CTNNA3: variants seen among roughly 807,000 people sequenced by gnomAD.
CTNNA3 encodes the protein catenin alpha 3, also known as catenin alpha-3.
In CTNNA3, 76 loss-of-function variants were observed where a neutral mutation model predicts 95.7. The ratio of observed to expected loss-of-function variants is 0.79; its 90% CI spans 0.66 to 0.96. The LOEUF (loss-of-function observed/expected upper bound fraction) is 0.96, where lower values mean the gene tolerates loss of function less well. Ranked by LOEUF, CTNNA3 falls within the 40% of genes least tolerant of loss-of-function variation. CTNNA3 has a pLI of 0.00. For synonymous variants in CTNNA3, 431 were observed against 374.4 expected (o/e 1.15, Z -1.74); for missense variants, 1,191 against 1,089.8 (o/e 1.09, Z -1.31).
chr10:66,541,084 T>C (rs892940107), intron 10 of CTNNA3, among the ~76,000 whole-genome samples: 4 of 152,256 alleles, frequency 2.6e-5, no homozygotes, highest in Admixed American at 2.0e-4. Flanking sequence ...TAATCAACTA[T>C]TTTAGCCCAT....
intron 13 of CTNNA3, among the ~76,000 whole-genome samples, chr10:66,128,476 A>T (rs564842240): frequency 1.2e-3 from 183 of 152,296 alleles, no homozygotes; most frequent in African/African-American, 4.3e-3. Flanking sequence ...GCATGAAAAA[A>T]AAGCTGCCAA....
rs372928933 is a variant in CTNNA3 at position 66,378,083 on chromosome 10, CA to C, written c.1732+1068del. Among the ~76,000 whole-genome samples the C allele has an allele frequency of 1.3e-3, 193 of 152,236 alleles. 1 individual carries two copies. In the South Asian group the frequency reaches 0.013, roughly 11 times the overall value. ...AGCAAAACTGATCATCAATTCCCTG[CA>C]AACCTTGCTAAGCTTGCCTTGCAGC... On this transcript the variant is annotated intron_variant, in intron 12 of 17. Transcript: ENST00000433211.
intron 12 of CTNNA3, among the ~76,000 whole-genome samples, chr10:66,296,237 G>A (rs7911811): frequency 0.051 from 7,791 of 152,162 alleles, 392 homozygotes; most frequent in African/African-American, 0.12. Context: ...GCAAGTAGAT[G>A]AAATTGCCCT....
intron 7 of CTNNA3, among the ~76,000 whole-genome samples, chr10:66,980,378 A>T (rs1850348783): frequency 6.6e-6 from 1 of 152,292 alleles, no homozygotes; most frequent in East Asian, 1.9e-4. Flanking sequence ...AGCAAACTAT[A>T]TAGGGAAGCC....
intron 7 of CTNNA3, among the ~76,000 whole-genome samples, chr10:66,961,322 C>G (rs188056704): frequency 1.7e-4 from 26 of 152,236 alleles, no homozygotes; most frequent in African/African-American, 6.3e-4. Flanking sequence ...CCCCTTAAGG[C>G]CATCAATAAA....
chr10:66,799,787 T>C (rs986336673), intron 7 of CTNNA3, among the ~76,000 whole-genome samples: 2 of 151,242 alleles, frequency 1.3e-5, no homozygotes, highest in African/African-American at 2.4e-5. Flanking sequence ...CTAGGATAAA[T>C]TCAAAGGAAA....
chr10:67,691,549 G>A (rs1388766883), intron 1 of CTNNA3, among the ~76,000 whole-genome samples: 7 of 149,458 alleles, frequency 4.7e-5, no homozygotes, highest in South Asian at 2.2e-4. Context: ...CTGCCGCCCC[G>A]TCCGGGATGT....
chr10:66,557,441 A>G (rs1319745344), intron 10 of CTNNA3, among the ~76,000 whole-genome samples: 1 of 152,162 alleles, frequency 6.6e-6, no homozygotes, highest in Non-Finnish European at 1.5e-5. Flanking sequence ...TAACACAAAA[A>G]TTGGTATATA....
chr10:66,509,068 T>C (rs1424789364), intron 11 of CTNNA3, among the ~76,000 whole-genome samples: 2 of 152,144 alleles, frequency 1.3e-5, no homozygotes, highest in Non-Finnish European at 2.9e-5. Flanking sequence ...TTTGTCTTTT[T>C]GATAATAGGA....
At chr10:67,436,125 C>T (rs890652140) in intron 5 of CTNNA3, among the ~76,000 whole-genome samples, 3 of 151,968 alleles carry the variant, frequency 2.0e-5, no homozygotes, top group Non-Finnish European at 2.9e-5. Flanking sequence ...TAAAAATAGA[C>T]ACATAGACTA....
intron 7 of CTNNA3, among the ~76,000 whole-genome samples, chr10:66,921,033 A>T (rs763345799): frequency 1.3e-5 from 2 of 152,162 alleles, no homozygotes; most frequent in African/African-American, 2.4e-5. Flanking sequence ...AAACAAAAAT[A>T]CTATATCCTG....
chr10:66,077,230 G>A (rs1016141741), intron 14 of CTNNA3, among the ~76,000 whole-genome samples: 1 of 151,574 alleles, frequency 6.6e-6, no homozygotes, highest in Non-Finnish European at 1.5e-5. Flanking sequence ...CTGGAACTAT[G>A]GTTAAACTGT....
chr10:66,989,085 T>C (rs894177347), intron 7 of CTNNA3, among the ~76,000 whole-genome samples: 3 of 152,180 alleles, frequency 2.0e-5, no homozygotes, highest in Admixed American at 6.6e-5. Context: ...ATTTCCTGTA[T>C]TTCCTGGAAA....
chr10:66,130,546 T>C (rs116930250), intron 13 of CTNNA3, among the ~76,000 whole-genome samples: 3 of 151,534 alleles, frequency 2.0e-5, no homozygotes, highest in East Asian at 1.9e-4. Context: ...ACTGACTCCA[T>C]AGAAATACAA....
At chr10:66,547,462 C>A (rs1158856148) in intron 10 of CTNNA3, among the ~76,000 whole-genome samples, 1 of 150,056 alleles carries the variant, frequency 6.7e-6, no homozygotes, top group Non-Finnish European at 1.5e-5. Flanking sequence ...CCTGCCTCAG[C>A]CTCCCAAGTA....
intron 11 of CTNNA3, among the ~76,000 whole-genome samples, chr10:66,381,512 C>T (rs948221313): frequency 2.0e-5 from 3 of 151,964 alleles, no homozygotes; most frequent in Non-Finnish European, 4.4e-5. Flanking sequence ...CTAAGTAGTA[C>T]TTGTTATAAT....
intron 10 of CTNNA3, among the ~76,000 whole-genome samples, chr10:66,569,500 A>G (rs1842805747): frequency 6.6e-6 from 1 of 152,182 alleles, no homozygotes; most frequent in Non-Finnish European, 1.5e-5. Flanking sequence ...CAGTACTATG[A>G]CTCATTAGCT....
At chr10:65,988,180 T>G (rs1272144812) in intron 16 of CTNNA3, among the ~76,000 whole-genome samples, 7 of 152,074 alleles carry the variant, frequency 4.6e-5, no homozygotes, top group Non-Finnish European at 7.4e-5. Flanking sequence ...GAGAAGATTT[T>G]GAATGTGTTC....
chr10:66,836,844 A>C (rs1842902431), intron 7 of CTNNA3, among the ~76,000 whole-genome samples: 1 of 151,958 alleles, frequency 6.6e-6, no homozygotes, highest in Non-Finnish European at 1.5e-5. Flanking sequence ...TTCTGTAAAA[A>C]CTTCTGTGTT....
Sources: gnomAD v4.1 joint callset for allele counts (sites outside exome capture counted in the v4.1 genomes callset) on GRCh38, gnomAD v4.1.1 for gene constraint, MANE v1.5 for transcripts, NCBI Gene and HGNC (gene_info 2026-07-23, HGNC 2026-07-21) for gene names.